The following ARMC2 variants were observed in gnomAD, a reference collection of about 807,000 sequenced individuals.
ARMC2 encodes the protein armadillo repeat-containing protein 2.
ARMC2 carries 67 observed loss-of-function variants against 90.3 expected under a neutral mutation model. The ratio of observed to expected loss-of-function variants is 0.74; its 90% confidence interval spans 0.61 to 0.91. The LOEUF is 0.91. Ranked by LOEUF, ARMC2 falls within the 40% of genes least tolerant of loss-of-function variation. The probability of loss-of-function intolerance (pLI) is 0.00; values close to 1 mark genes in which losing one functional copy is unlikely to be tolerated. For missense variants in ARMC2, 920 were observed against 1,030.9 expected (o/e 0.89, Z 1.47); for synonymous variants, 393 against 393.0 (o/e 1.00, Z 0.00).
At chr6:108,933,937 C>G (rs572366237) in intron 11 of ARMC2, among the ~76,000 whole-genome samples, 6 of 152,340 alleles carry the variant, frequency 3.9e-5, no homozygotes, top group Non-Finnish European at 7.3e-5. Flanking sequence ...TCTTGGCTCA[C>G]TACAACCTCT....
At chr6:109,032,149 G>A in the ARMC2 span, among the ~76,000 whole-genome samples, 1 of 152,314 alleles carries the variant, frequency 6.6e-6, no homozygotes, top group South Asian at 2.1e-4. Flanking sequence ...GTTCATGCCT[G>A]TAATCCCAGC....
At chr6:108,962,196 C>A in intron 15 of ARMC2, 69 bp downstream of exon 15, 2 of 1,226,794 alleles carry the variant, frequency 1.6e-6, no homozygotes, top group Non-Finnish European at 2.3e-6. Context: ...GGTTTTGCAG[C>A]TTGAGTCATT....
chr6:109,047,491 C>T, the ARMC2 span, among the ~76,000 whole-genome samples: 52 of 114,234 alleles, frequency 4.6e-4, no homozygotes, highest in African/African-American at 7.1e-4. Flanking sequence ...GCCCCCTGCC[C>T]GGCCAGCCGC....
intron 4 of ARMC2, among the ~76,000 whole-genome samples, chr6:108,870,805 C>T (rs893699609): frequency 6.6e-6 from 1 of 152,148 alleles, no homozygotes; most frequent in African/African-American, 2.4e-5. Context: ...CAAACTCCTA[C>T]TAAGTGCCAG....
intron 8 of ARMC2, among the ~76,000 whole-genome samples, chr6:108,909,278 G>A (rs190250963): frequency 1.3e-5 from 2 of 151,946 alleles, no homozygotes; most frequent in East Asian, 3.9e-4. Context: ...AATGTTCACA[G>A]TTATGCTTTT....
At chr6:108,971,172 C>T (rs1443442323) in intron 17 of ARMC2, among the ~76,000 whole-genome samples, 3 of 151,692 alleles carry the variant, frequency 2.0e-5, no homozygotes, top group East Asian at 1.9e-4. Context: ...TGCAGTGAGC[C>T]GAGATCACAC....
chr6:109,033,607 T>G, the ARMC2 span, among the ~76,000 whole-genome samples: 1 of 152,164 alleles, frequency 6.6e-6, no homozygotes, highest in Non-Finnish European at 1.5e-5. Context: ...GAGATCTAGA[T>G]TGCAACCCCA....
the ARMC2 span, chr6:109,002,321 C>A: frequency 5.6e-6 from 9 of 1,613,072 alleles, no homozygotes; most frequent in Non-Finnish European, 7.6e-6. Flanking sequence ...TCCTAGTGGT[C>A]GAGGAATTCT....
intron 2 of ARMC2, chr6:108,856,796 A>G (rs891347452): frequency 6.6e-6 from 1 of 152,264 alleles, no homozygotes; most frequent in African/African-American, 2.4e-5. Flanking sequence ...CCTCAGCGAA[A>G]GAGCCCAGCA....
intron 3 of ARMC2, among the ~76,000 whole-genome samples, chr6:108,865,354 CAT>C (rs1173967067): frequency 6.6e-6 from 1 of 152,140 alleles, no homozygotes; most frequent in African/African-American, 2.4e-5. Flanking sequence ...ATAAGAGAAA[CAT>C]GTTTGCTGTT....
chr6:108,994,698 CTTTTTTTTT>C, the ARMC2 span: 4 of 293,050 alleles, frequency 1.4e-5, no homozygotes, highest in African/African-American at 2.9e-5. Flanking sequence ...GAATTTATAT[CTTTTTTTTT>C]TTTTTTTTTT....
At chr6:108,864,471 T>C (rs1300875505) in intron 3 of ARMC2, among the ~76,000 whole-genome samples, 1 of 152,130 alleles carries the variant, frequency 6.6e-6, no homozygotes, top group African/African-American at 2.4e-5. Flanking sequence ...ATGGTCTCGA[T>C]CTCTTGACCT....
chr6:108,939,053 A>G (rs1776219348), intron 12 of ARMC2, among the ~76,000 whole-genome samples: 2 of 152,112 alleles, frequency 1.3e-5, no homozygotes, highest in Admixed American at 1.3e-4. Flanking sequence ...TCTTGGGCTC[A>G]AGCAATCCTA....
At chr6:109,044,752 A>G in the ARMC2 span, among the ~76,000 whole-genome samples, 1 of 151,944 alleles carries the variant, frequency 6.6e-6, no homozygotes, top group Non-Finnish European at 1.5e-5. Context: ...AGCCGGGCGC[A>G]GTGGCTCACG....
chr6:108,956,824 T>C (rs532510778), intron 13 of ARMC2, among the ~76,000 whole-genome samples: 59 of 152,214 alleles, frequency 3.9e-4, no homozygotes, highest in Non-Finnish European at 5.7e-4. Context: ...AAACCCCATC[T>C]CTACTAAAAA....
chr6:108,869,751 C>G (rs936802269), intron 4 of ARMC2, among the ~76,000 whole-genome samples: 9 of 151,994 alleles, frequency 5.9e-5, no homozygotes, highest in African/African-American at 2.2e-4. Flanking sequence ...CTGCCAGGCA[C>G]CTAAACCTGG....
At chr6:108,969,819 A>C (rs976728288) in intron 17 of ARMC2, among the ~76,000 whole-genome samples, 1 of 152,206 alleles carries the variant, frequency 6.6e-6, no homozygotes, top group Non-Finnish European at 1.5e-5. Context: ...AGGTGGGAGA[A>C]TCACTTGAGG....
intron 5 of ARMC2, among the ~76,000 whole-genome samples, chr6:108,889,164 T>G (rs1417879633): frequency 6.6e-6 from 1 of 152,186 alleles, no homozygotes; most frequent in Non-Finnish European, 1.5e-5. Flanking sequence ...TATTATTTTT[T>G]GAGGCAGAGT....
chr6:108,879,062 CACCCACCCATCCGTCTACCT>C (rs1214628565), intron 5 of ARMC2, among the ~76,000 whole-genome samples: 1 of 151,780 alleles, frequency 6.6e-6, no homozygotes, highest in East Asian at 2.0e-4. Flanking sequence ...TCTGCCCATC[CACCCACCCATCCGTCTACCT>C]ACCCACCCAT....
Sources: allele counts gnomAD v4.1 joint callset (sites outside exome capture counted in the v4.1 genomes callset), GRCh38; gene constraint gnomAD v4.1.1; transcripts MANE v1.5; gene names NCBI Gene and HGNC (gene_info 2026-07-23, HGNC 2026-07-21).